The following JAZF1 variants were observed in gnomAD, a reference collection of about 807,000 sequenced individuals.
JAZF1 encodes the protein JAZF zinc finger 1, also known as juxtaposed with another zinc finger protein 1.
In JAZF1, 8 loss-of-function variants were observed where a neutral mutation model predicts 26.4. That is an observed-to-expected ratio of 0.30 (90% CI 0.18 to 0.55). The LOEUF (loss-of-function observed/expected upper bound fraction) is 0.55. Ranked by LOEUF, JAZF1 falls within the 20% of genes least tolerant of loss-of-function variation. The pLI, the probability that JAZF1 is intolerant of heterozygous loss-of-function variation, is 0.94. For synonymous variants in JAZF1, 126 were observed against 122.3 expected (o/e 1.03, Z -0.20); for missense variants, 199 against 322.0 (o/e 0.62, Z 2.92).
At chr7:27,995,562 G>T (rs1300633412) in intron 1 of JAZF1, among the ~76,000 whole-genome samples, 1 of 152,144 alleles carries the variant, frequency 6.6e-6, no homozygotes, top group Non-Finnish European at 1.5e-5. Flanking sequence ...AGGTTGACTG[G>T]AGGATAAAAT....
chr7:27,981,642 T>G (rs1583491399), intron 2 of JAZF1, among the ~76,000 whole-genome samples: 1 of 152,254 alleles, frequency 6.6e-6, no homozygotes, highest in African/African-American at 2.4e-5. Flanking sequence ...TTAGTAGCAG[T>G]GATACCTGGG....
rs375859244 is a variant in JAZF1, at chr7:27,898,304, T to TATATATATATATATATATATATATAC, written c.189-2889_189-2888insGTATATATATATATATATATATATAT. ...TCTAACTCATATATATATATATATA[T>TATATATATATATATATATATATATAC]ACATCGGTTTTTTTTTTTTTTTTTT... is the stretch of plus-strand genomic sequence containing the variant. On this transcript the variant is annotated intron_variant, in intron 2 of 4. Coordinates refer to ENST00000283928, the MANE Select transcript of JAZF1 (RefSeq NM_175061.4). 3.6e-3 allele frequency among the ~76,000 whole-genome samples: 461 copies of TATATATATATATATATATATATATAC among 128,718 alleles called. 9 individuals are homozygous for TATATATATATATATATATATATATAC. Among genetic ancestry groups the TATATATATATATATATATATATATAC allele is most frequent in the African/African-American group, 0.011 (357 of 32,056 alleles). 84.4% of individuals were successfully genotyped at this position (128,718 alleles called of 152,430 possible).
chr7:27,864,124 AATG>A lies in JAZF1; in HGVS notation c.386-23260_386-23258del, dbSNP rs2128336631. 3 of 152,326 alleles carry A rather than the reference AATG, an allele frequency of 2.0e-5. No homozygotes were observed. In the South Asian group the frequency reaches 6.2e-4, roughly 32 times the overall value. The allele number at this position is 152,326 out of a possible 1,614,324, so 9.4% of individuals were successfully genotyped here. On this transcript the variant is annotated intron_variant, in intron 3 of 4. Transcript: ENST00000283928. ...CGAGACCGTCGTCATCCTAAGGGCTAATGATGCACAGAGGAGGCTGTGACTCAC... is the reference window on the plus strand; with the variant it reads ...CGAGACCGTCGTCATCCTAAGGGCTAATGCACAGAGGAGGCTGTGACTCAC...
At chr7:28,149,798 T>C (rs1783082546) in intron 1 of JAZF1, among the ~76,000 whole-genome samples, 1 of 152,228 alleles carries the variant, frequency 6.6e-6, no homozygotes, top group South Asian at 2.1e-4. Context: ...TTAATTCACT[T>C]AGCAGTCACC....
In JAZF1 at chr7:27,965,396, G is replaced by A. The variant is rs1562542694; in HGVS notation, c.188+26513C>T. On this transcript the variant is annotated intron_variant, in intron 2 of 4. Transcript: ENST00000283928. ...TGTCTCACAAAGCATAGATACATATGTTTTCCTTATAGCTAATATTAACAC... is the reference window on the plus strand; with the variant it reads ...TGTCTCACAAAGCATAGATACATATATTTTCCTTATAGCTAATATTAACAC... Among the ~76,000 whole-genome samples, 2 of 152,136 alleles carry A rather than the reference G, an allele frequency of 1.3e-5. 1 individual carries two copies. The highest frequency in any genetic ancestry group is 4.1e-4 in the South Asian group (2 of 4,834).
Position 28,132,754 on chromosome 7 carries a change from G to A in JAZF1, c.115+47709C>T, listed in dbSNP as rs184747656. Among the ~76,000 whole-genome samples the A allele has an allele frequency of 8.5e-5, 13 of 152,218 alleles. No individual in the cohort carries two copies. In the East Asian group the frequency reaches 1.9e-3, roughly 23 times the overall value. On this transcript the variant is annotated intron_variant, in intron 1 of 4. Coordinates refer to ENST00000283928, the MANE Select transcript of JAZF1 (RefSeq NM_175061.4). ...CATCTTTCAGATCCTCCAACTGCAGGTGAAACTTTTCAAACAAAATACAGT... is the reference window on the plus strand; with the variant it reads ...CATCTTTCAGATCCTCCAACTGCAGATGAAACTTTTCAAACAAAATACAGT...
chr7:27,872,595 A>G (rs1783602918), intron 3 of JAZF1, among the ~76,000 whole-genome samples: 1 of 152,186 alleles, frequency 6.6e-6, no homozygotes, highest in Non-Finnish European at 1.5e-5. Flanking sequence ...CTCTCTCCAC[A>G]TGTTCAAGAA....
At chr7:28,120,501 C>CTTTTTTTGTTTTTTTTTTTTTTTTTTT (rs1782582653) in intron 1 of JAZF1, among the ~76,000 whole-genome samples, 1 of 59,004 alleles carries the variant, frequency 1.7e-5, no homozygotes, top group Non-Finnish European at 2.8e-5. Context: ...ACACACAGTT[C>CTTTTTTTGTTTTTTTTTTTTTTTTTTT]TTTTTTTTTT....
chr7:27,901,552 T>C (rs188605357), intron 2 of JAZF1, among the ~76,000 whole-genome samples: 39 of 152,208 alleles, frequency 2.6e-4, no homozygotes, highest in Non-Finnish European at 4.6e-4. Context: ...GGGAAAAAAA[T>C]CACTTGGCTT....
chr7:27,961,413 A>T (rs1302342947), intron 2 of JAZF1, among the ~76,000 whole-genome samples: 1 of 152,194 alleles, frequency 6.6e-6, no homozygotes, highest in African/African-American at 2.4e-5. Context: ...CTCAATTCCG[A>T]CTGCTGCCCA....
chr7:27,984,266 C>T (rs1052521913), intron 2 of JAZF1, among the ~76,000 whole-genome samples: 4 of 151,910 alleles, frequency 2.6e-5, no homozygotes, highest in Non-Finnish European at 4.4e-5. Context: ...ATCTACCAAG[C>T]AAATGGAAAA....
intron 2 of JAZF1, among the ~76,000 whole-genome samples, chr7:27,967,972 T>C (rs534647969): frequency 3.3e-5 from 5 of 152,310 alleles, no homozygotes; most frequent in Middle Eastern, 3.4e-3. Flanking sequence ...CCACTTATAA[T>C]AATATATTAG....
intron 2 of JAZF1, among the ~76,000 whole-genome samples, chr7:27,942,273 T>TG (rs1784859175): frequency 6.6e-6 from 1 of 152,222 alleles, no homozygotes; most frequent in Non-Finnish European, 1.5e-5. Context: ...TTCACCCCTG[T>TG]GGTCAGAACT....
At chr7:27,964,360 C>T (rs1785236840) in intron 2 of JAZF1, among the ~76,000 whole-genome samples, 1 of 152,034 alleles carries the variant, frequency 6.6e-6, no homozygotes, top group Non-Finnish European at 1.5e-5. Context: ...AAATGAAGGG[C>T]ATGTTTCGGT....
At chr7:28,001,013 GT>G (rs1786145857) in intron 1 of JAZF1, among the ~76,000 whole-genome samples, 1 of 152,134 alleles carries the variant, frequency 6.6e-6, no homozygotes, top group East Asian at 1.9e-4. Context: ...GAAACTTTAA[GT>G]CAGTAGGTTC....
intron 1 of JAZF1, among the ~76,000 whole-genome samples, chr7:28,165,827 G>C (rs1783359549): frequency 6.6e-6 from 1 of 152,134 alleles, no homozygotes; most frequent in Non-Finnish European, 1.5e-5. Context: ...ATGACTGTTT[G>C]AAATTAGCTC....
chr7:27,844,599 C>T (rs1450352157), intron 3 of JAZF1: 2 of 152,068 alleles, frequency 1.3e-5, no homozygotes, highest in African/African-American at 2.4e-5. Flanking sequence ...TTATAAATGC[C>T]AAATATGTAC....
chr7:27,964,617 T>C (rs1028887595), intron 2 of JAZF1, among the ~76,000 whole-genome samples: 1 of 150,892 alleles, frequency 6.6e-6, no homozygotes. Context: ...TACTTTTTAC[T>C]ATTTCCCTAA....
At chr7:28,017,843 G>A (rs1170311626) in intron 1 of JAZF1, among the ~76,000 whole-genome samples, 1 of 152,168 alleles carries the variant, frequency 6.6e-6, no homozygotes, top group East Asian at 1.9e-4. Context: ...GCACGATCTC[G>A]GTTCACTGCA....
Sources: allele counts gnomAD v4.1 joint callset (sites outside exome capture counted in the v4.1 genomes callset), GRCh38; gene constraint gnomAD v4.1.1; transcripts MANE v1.5; gene names NCBI Gene and HGNC (gene_info 2026-07-23, HGNC 2026-07-21).